MICU1: variants seen among roughly 807,000 people sequenced by gnomAD.
The protein encoded by MICU1 is mitochondrial calcium uptake 1, also known as calcium uptake protein 1, mitochondrial.
MICU1 carries 45 observed loss-of-function variants against 56.8 expected under a neutral mutation model. That is an observed-to-expected ratio of 0.79 (90% CI 0.62 to 1.02). The LOEUF (loss-of-function observed/expected upper bound fraction) is 1.02. Ranked by LOEUF, MICU1 falls within the 50% of genes least tolerant of loss-of-function variation. MICU1 has a pLI of 0.00. For missense variants in MICU1, 504 were observed against 587.1 expected, an observed-to-expected ratio of 0.86 and a Z score of 1.46; for synonymous variants, 186 against 195.1, an observed-to-expected ratio of 0.95 and a Z score of 0.39.
intron 10 of MICU1, chr10:72,391,849 C>G (rs1334837364): frequency 6.6e-6 from 1 of 151,932 alleles, no homozygotes; most frequent in African/African-American, 2.4e-5. Context: ...CTTTTTTGGT[C>G]AACAGTGGGC....
chr10:72,531,091 T>C (rs937574680), intron 5 of MICU1, among the ~76,000 whole-genome samples: 3 of 152,138 alleles, frequency 2.0e-5, no homozygotes, highest in South Asian at 2.1e-4. Flanking sequence ...ATTTTGGACT[T>C]TGTTAAATGG....
chr10:72,526,932 C>CAAAAAAA (rs57033966), intron 5 of MICU1, among the ~76,000 whole-genome samples: 5 of 127,636 alleles, frequency 3.9e-5, no homozygotes, highest in African/African-American at 1.6e-4. Flanking sequence ...GTAATGGCTT[C>CAAAAAAA]AAAAAAAAAA....
At position 72,592,663 on chromosome 10, in the gene MICU1, G is replaced by T. The variant is rs373138151; in HGVS notation, c.-1-25869C>A. Among the ~76,000 whole-genome samples, 5 of 152,250 alleles carry T rather than the reference G, an allele frequency of 3.3e-5. 1 individual carries two copies. The highest frequency in any genetic ancestry group is 1.2e-4 in the African/African-American group (5 of 41,554). Reference sequence around the variant, plus strand: ...GATTTATTCCTAGAATCCAAGGATGGTTCAACAGATGAAAACTAATTAATG... The same window carrying T: ...GATTTATTCCTAGAATCCAAGGATGTTTCAACAGATGAAAACTAATTAATG... On this transcript the variant is annotated intron_variant, in intron 1 of 11. Transcript: ENST00000361114.
intron 10 of MICU1, among the ~76,000 whole-genome samples, chr10:72,384,167 T>C (rs1564838814): frequency 6.6e-6 from 1 of 152,210 alleles, no homozygotes; most frequent in Non-Finnish European, 1.5e-5. Context: ...CTAATTTTTG[T>C]ATTTTTTTGT....
At chr10:72,372,032 G>C (rs1862361356) in intron 11 of MICU1, among the ~76,000 whole-genome samples, 1 of 151,430 alleles carries the variant, frequency 6.6e-6, no homozygotes, top group Admixed American at 6.6e-5. Flanking sequence ...CTCCAGCCTG[G>C]GCAACAGAGC....
At chr10:72,389,551 G>A (rs1863000241) in intron 10 of MICU1, among the ~76,000 whole-genome samples, 1 of 152,164 alleles carries the variant, frequency 6.6e-6, no homozygotes. Flanking sequence ...GGCCAACTAT[G>A]CCATAAATTA....
Position 72,535,005 on chromosome 10 carries a change from T to TTTTTA in MICU1, c.494-1221_494-1217dup, listed in dbSNP as rs756572144. 3.1e-3 allele frequency among the ~76,000 whole-genome samples: 365 copies of TTTTTA among 116,406 alleles called. 20 individuals are homozygous for TTTTTA. The highest frequency in any genetic ancestry group is 7.3e-3 in the African/African-American group (225 of 30,660). 76.4% of individuals were successfully genotyped at this position (116,406 alleles called of 152,430 possible). ...ACTTTGATTGCCTATCTCCCTCTAT[T>TTTTTA]TTTTATTTTATTTTATTTTATTTTA... On this transcript the variant is annotated intron_variant, in intron 4 of 11. Coordinates refer to ENST00000361114, the MANE Select transcript of MICU1 (RefSeq NM_001195518.2).
At chr10:72,590,606 C>T (rs1841195583) in intron 1 of MICU1, among the ~76,000 whole-genome samples, 1 of 151,874 alleles carries the variant, frequency 6.6e-6, no homozygotes, top group Non-Finnish European at 1.5e-5. Context: ...GTCAGGAGTT[C>T]GAGACCAGCC....
At chr10:72,460,033 T>C (rs977066176) in intron 8 of MICU1, among the ~76,000 whole-genome samples, 1 of 152,218 alleles carries the variant, frequency 6.6e-6, no homozygotes, top group African/African-American at 2.4e-5. Context: ...TTTTCCCTCT[T>C]TGTTAATCCA....
intron 3 of MICU1, among the ~76,000 whole-genome samples, chr10:72,556,680 A>G (rs1041659099): frequency 1.3e-5 from 2 of 152,096 alleles, no homozygotes; most frequent in African/African-American, 4.8e-5. Flanking sequence ...TAAGTCCCCA[A>G]ATTAATAAAT....
At chr10:72,622,104 T>C (rs1050728583) in intron 1 of MICU1, among the ~76,000 whole-genome samples, 1 of 152,024 alleles carries the variant, frequency 6.6e-6, no homozygotes, top group South Asian at 2.1e-4. Context: ...TTTGTTTTTT[T>C]AGTAGAAACG....
chr10:72,411,533 G>A (rs971495346), intron 9 of MICU1, among the ~76,000 whole-genome samples: 3 of 151,910 alleles, frequency 2.0e-5, no homozygotes, highest in South Asian at 2.1e-4. Context: ...GGGTTTCACC[G>A]TGTTAGCCAG....
At chr10:72,623,483 T>C (rs1464695274) in intron 1 of MICU1, among the ~76,000 whole-genome samples, 2 of 152,128 alleles carry the variant, frequency 1.3e-5, no homozygotes, top group African/African-American at 2.4e-5. Flanking sequence ...GGCTTGTACC[T>C]GCAATCCCAG....
chr10:72,453,590 C>T (rs780951577), intron 8 of MICU1, among the ~76,000 whole-genome samples: 9 of 152,072 alleles, frequency 5.9e-5, no homozygotes, highest in Non-Finnish European at 1.0e-4. Flanking sequence ...AGTGCAGTGG[C>T]ATATTCCTGG....
chr10:72,504,974 T>A (rs1277523441), intron 6 of MICU1, among the ~76,000 whole-genome samples: 9 of 151,278 alleles, frequency 5.9e-5, no homozygotes, highest in African/African-American at 1.9e-4. Flanking sequence ...TTATTATTAT[T>A]ATTATTATTA....
intron 10 of MICU1, among the ~76,000 whole-genome samples, chr10:72,387,808 C>T (rs1233378835): frequency 6.8e-6 from 1 of 147,328 alleles, no homozygotes; most frequent in African/African-American, 2.5e-5. Flanking sequence ...AAAAAAAACA[C>T]TTTTTATGAT....
intron 1 of MICU1, among the ~76,000 whole-genome samples, chr10:72,607,037 C>T (rs1841709410): frequency 1.3e-5 from 2 of 151,978 alleles, no homozygotes; most frequent in African/African-American, 4.8e-5. Context: ...TAGTTTTATC[C>T]TTTTAAGATA....
At chr10:72,396,082 G>T (rs1863248247) in intron 10 of MICU1, among the ~76,000 whole-genome samples, 1 of 152,218 alleles carries the variant, frequency 6.6e-6, no homozygotes, top group Admixed American at 6.5e-5. Flanking sequence ...GCTTCCAGAG[G>T]AAGGATCAAG....
chr10:72,543,576 A>G (rs1000903153), intron 4 of MICU1, among the ~76,000 whole-genome samples: 4 of 151,978 alleles, frequency 2.6e-5, no homozygotes, highest in Admixed American at 2.6e-4. Context: ...ATACTTAGGG[A>G]CGAACGTGGT....
Sources: gnomAD v4.1 joint callset for allele counts (sites outside exome capture counted in the v4.1 genomes callset) on GRCh38, gnomAD v4.1.1 for gene constraint, MANE v1.5 for transcripts, NCBI Gene and HGNC (gene_info 2026-07-23, HGNC 2026-07-21) for gene names.